Variants in ADAM10 observed in about 807,000 individuals in gnomAD.
The protein encoded by ADAM10 is disintegrin and metalloproteinase domain-containing protein 10.
Under a neutral mutation model 90.1 loss-of-function variants are expected in ADAM10, and 17 were observed. That is an observed-to-expected ratio of 0.19 (90% confidence interval 0.13 to 0.28). The LOEUF (loss-of-function observed/expected upper bound fraction) is 0.28. Among genes scored for constraint, ADAM10 ranks in the 10% least tolerant of loss-of-function variants. The pLI, the probability that ADAM10 is intolerant of heterozygous loss-of-function variation, is 1.00. For missense variants in ADAM10, 610 were observed against 914.3 expected, an observed-to-expected ratio of 0.67 and a Z score of 4.29; for synonymous variants, 310 against 298.6, an observed-to-expected ratio of 1.04 and a Z score of -0.40.
intron 14 of ADAM10, among the ~76,000 whole-genome samples, chr15:58,601,362 G>A (rs747270100): frequency 6.6e-6 from 1 of 152,092 alleles, no homozygotes; most frequent in Non-Finnish European, 1.5e-5. Context: ...TAAGGAGGCT[G>A]AGGGGGGAGA....
chr15:58,721,715 G>A (rs1831146332), intron 1 of ADAM10, among the ~76,000 whole-genome samples: 3 of 151,916 alleles, frequency 2.0e-5, no homozygotes, highest in Non-Finnish European at 2.9e-5. Context: ...AAAGGCCCCT[G>A]TCTCTACAAA....
chr15:58,693,935 C>T (rs12912327), intron 2 of ADAM10, among the ~76,000 whole-genome samples: 25,058 of 152,044 alleles, frequency 0.16, 2,374 homozygotes, highest in East Asian at 0.4. Context: ...AGAAGATACA[C>T]AGGTGGCAAA....
intron 2 of ADAM10, among the ~76,000 whole-genome samples, chr15:58,708,887 G>A (rs1483286454): frequency 6.6e-6 from 1 of 152,148 alleles, no homozygotes; most frequent in South Asian, 2.1e-4. Context: ...ATGTCAACCT[G>A]CAGAGGTACA....
intron 1 of ADAM10, among the ~76,000 whole-genome samples, chr15:58,734,614 C>G (rs1373299329): frequency 2.0e-5 from 3 of 151,320 alleles, no homozygotes; most frequent in Non-Finnish European, 4.4e-5. Context: ...GTGGGAGGAT[C>G]GCTTGAACCT....
intron 1 of ADAM10, among the ~76,000 whole-genome samples, chr15:58,719,306 G>A (rs151193571): frequency 3.3e-5 from 5 of 151,360 alleles, no homozygotes; most frequent in East Asian, 1.9e-4. Flanking sequence ...CCTGGGCAAC[G>A]AAAGTGAAAT....
At chr15:58,695,020 T>C (rs1217794566) in intron 2 of ADAM10, among the ~76,000 whole-genome samples, 1 of 152,192 alleles carries the variant, frequency 6.6e-6, no homozygotes, top group African/African-American at 2.4e-5. Context: ...ATACCTAACA[T>C]GAATATATTT....
chr15:58,715,082 A>T (rs1393818741), intron 2 of ADAM10, among the ~76,000 whole-genome samples: 1 of 152,200 alleles, frequency 6.6e-6, no homozygotes, highest in Non-Finnish European at 1.5e-5. Context: ...AATTACAGAA[A>T]ATACAGTAAG....
intron 1 of ADAM10, among the ~76,000 whole-genome samples, chr15:58,720,223 A>G (rs1898799421): frequency 6.6e-6 from 1 of 152,154 alleles, no homozygotes; most frequent in Non-Finnish European, 1.5e-5. Context: ...TTCAACTTAA[A>G]CTACTATTGA....
Position 58,591,618 on chromosome 15 carries a change from T to TA in ADAM10, c.*5928dup, listed in dbSNP as rs1566959856. 1 of 152,138 alleles carries TA rather than the reference T, an allele frequency of 6.6e-6. No individual in the cohort carries two copies. The highest frequency in any genetic ancestry group is 1.5e-5 in the Non-Finnish European group (1 of 68,028). 9.4% of individuals were successfully genotyped at this position (152,138 alleles called of 1,614,324 possible). On this transcript the variant is annotated 3_prime_UTR_variant, in exon 16 of 16. Transcript: ENST00000260408. ...ATATAAACACAGGTAGAGAAAATAGTATAATAAATCCCCAAGTGCCCATCA... is the reference window on the plus strand; with the variant it reads ...ATATAAACACAGGTAGAGAAAATAGTAATAATAAATCCCCAAGTGCCCATCA...
At chr15:58,615,687 T>A (rs974349093) in intron 11 of ADAM10, among the ~76,000 whole-genome samples, 2 of 152,040 alleles carry the variant, frequency 1.3e-5, no homozygotes, top group Non-Finnish European at 2.9e-5. Context: ...TATACCTGTA[T>A]CAGATAAAAC....
chr15:58,660,832 T>G (rs190225098), intron 5 of ADAM10, among the ~76,000 whole-genome samples: 1 of 152,276 alleles, frequency 6.6e-6, no homozygotes, highest in Non-Finnish European at 1.5e-5. Flanking sequence ...ATTTAGACTT[T>G]TGAACAACAT....
intron 2 of ADAM10, among the ~76,000 whole-genome samples, chr15:58,703,121 C>A (rs539256246): frequency 6.6e-6 from 1 of 151,946 alleles, no homozygotes; most frequent in Non-Finnish European, 1.5e-5. Context: ...ACAGGAACAA[C>A]CCAACCACAT....
intron 5 of ADAM10, among the ~76,000 whole-genome samples, chr15:58,663,714 A>T (rs1466640530): frequency 6.6e-6 from 1 of 152,050 alleles, no homozygotes; most frequent in Non-Finnish European, 1.5e-5. Context: ...ATTTAAAATC[A>T]ATCTTCCTTA....
intron 3 of ADAM10, 121 bp downstream of exon 3, chr15:58,682,074 AT>A: frequency 7.3e-7 from 1 of 1,374,130 alleles, no homozygotes. Context: ...TACCCTTCAT[AT>A]GAATTCAACC....
chr15:58,629,354 A>G (rs539336722), intron 9 of ADAM10: 4 of 152,372 alleles, frequency 2.6e-5, no homozygotes, highest in African/African-American at 9.6e-5. Flanking sequence ...CTAGTCAATT[A>G]TTATTTTACT....
At chr15:58,639,501 C>A (rs188621482) in intron 8 of ADAM10, among the ~76,000 whole-genome samples, 5 of 152,294 alleles carry the variant, frequency 3.3e-5, no homozygotes, top group Admixed American at 3.3e-4. Flanking sequence ...AAAGAGGTTT[C>A]AGAGTATGAA....
intron 1 of ADAM10, among the ~76,000 whole-genome samples, chr15:58,720,125 T>A (rs563986769): frequency 4.3e-4 from 66 of 152,212 alleles, no homozygotes; most frequent in South Asian, 2.1e-3. Flanking sequence ...CAGGAGGTGG[T>A]TTTTTAATCT....
rs769922088 is a variant in ADAM10 at position 58,692,358 on chromosome 15, G to C, written c.207-10044C>G. 7 of 603,642 alleles carry C rather than the reference G, an allele frequency of 1.2e-5. No homozygotes were observed. In the East Asian group the frequency reaches 2.8e-4, roughly 24 times the overall value. 37.4% of individuals were successfully genotyped at this position (603,642 alleles called of 1,614,324 possible). On this transcript the variant is annotated intron_variant, in intron 2 of 15. Coordinates refer to ENST00000260408, the MANE Select transcript of ADAM10 (RefSeq NM_001110.4). ...TTCTGGTCCAAATCGGCTTGGTCTG[G>C]TTTAGTTCTTCCCGATCAGTGTATT... is the stretch of plus-strand genomic sequence containing the variant.
At position 58,593,336 on chromosome 15, in the gene ADAM10, C is replaced by G. The variant is rs1261770590; in HGVS notation, c.*4211G>C. ...AAGCAAATCTCCTGCCTCTGCCTCC[C>G]GAGTAGCTGGGATTACAAGCATGTG... On this transcript the variant is annotated 3_prime_UTR_variant, in exon 16 of 16. Transcript: ENST00000260408. 6.6e-6 allele frequency: 1 copy of G among 151,914 alleles called. No homozygotes were observed. The highest frequency in any genetic ancestry group is 2.4e-5 in the African/African-American group (1 of 41,310). 9.4% of individuals were successfully genotyped at this position (151,914 alleles called of 1,614,324 possible). A position where few individuals can be genotyped will look rare whatever the true frequency, so the allele number is the denominator to read the frequency against.
Sources: gnomAD v4.1 joint callset for allele counts (sites outside exome capture counted in the v4.1 genomes callset) on GRCh38, gnomAD v4.1.1 for gene constraint, MANE v1.5 for transcripts, NCBI Gene and HGNC (gene_info 2026-07-23, HGNC 2026-07-21) for gene names.